The following FGD3 variants were observed in gnomAD, a reference collection of about 807,000 sequenced individuals.
FGD3 encodes the protein FYVE, RhoGEF and PH domain-containing protein 3.
Under a neutral mutation model 71.8 loss-of-function variants are expected in FGD3, and 45 were observed. The ratio of observed to expected loss-of-function variants is 0.63; its 90% CI spans 0.49 to 0.80. The LOEUF (loss-of-function observed/expected upper bound fraction) is 0.80, where lower values mean the gene tolerates loss of function less well. Among genes scored for constraint, FGD3 ranks in the 30% least tolerant of loss-of-function variants. FGD3 has a pLI of 0.00. For synonymous variants in FGD3, 378 were observed against 392.8 expected (o/e 0.96, Z 0.44); for missense variants, 844 against 951.5 (o/e 0.89, Z 1.49).
At chr9:92,955,613 G>A (rs542344193) in intron 1 of FGD3, among the ~76,000 whole-genome samples, 142 of 152,286 alleles carry the variant, frequency 9.3e-4, no homozygotes, top group Non-Finnish European at 1.6e-3. Context: ...ATTTCCCAGT[G>A]GTAACAGCTT....
chr9:92,959,150 G>A (rs895691342), intron 1 of FGD3, among the ~76,000 whole-genome samples: 5 of 151,924 alleles, frequency 3.3e-5, no homozygotes, highest in Admixed American at 1.3e-4. Flanking sequence ...TAGTGGAGAC[G>A]GGGTTTCACC....
chr9:93,012,419 G>C (rs1861449020), intron 8 of FGD3, among the ~76,000 whole-genome samples: 1 of 152,148 alleles, frequency 6.6e-6, no homozygotes, highest in South Asian at 2.1e-4. Context: ...GCCTGCCCCG[G>C]AAAGTGTCAG....
chr9:92,983,201 C>A (rs1477881152), intron 3 of FGD3, among the ~76,000 whole-genome samples: 4 of 152,026 alleles, frequency 2.6e-5, no homozygotes, highest in Non-Finnish European at 5.9e-5. Context: ...AATTTGTTAT[C>A]TCTGTGGCAC....
intron 1 of FGD3, among the ~76,000 whole-genome samples, chr9:92,948,436 C>T (rs567317113): frequency 8.5e-5 from 13 of 152,368 alleles, no homozygotes; most frequent in Admixed American, 2.6e-4. Context: ...GTAGTTCGTG[C>T]CTCTGGTCCT....
At chr9:92,975,780 TGAG>T (rs138561005) in intron 2 of FGD3, among the ~76,000 whole-genome samples, 6 of 151,156 alleles carry the variant, frequency 4.0e-5, no homozygotes, top group Admixed American at 1.3e-4. Flanking sequence ...CAGGCAGTGG[TGAG>T]GAGGAGGAGG....
intron 3 of FGD3, among the ~76,000 whole-genome samples, chr9:92,989,853 A>AT (rs896787227): frequency 6.9e-6 from 1 of 143,940 alleles, no homozygotes; most frequent in East Asian, 2.0e-4. Context: ...TTTCAGCTTA[A>AT]TTTTTTTCTT....
At chr9:92,985,118 G>C (rs1053519383) in intron 3 of FGD3, among the ~76,000 whole-genome samples, 2 of 152,192 alleles carry the variant, frequency 1.3e-5, no homozygotes, top group Non-Finnish European at 2.9e-5. Context: ...TTGGCAGAGA[G>C]GGGAAACCAT....
Position 93,016,641 on chromosome 9 carries a change from A to T in FGD3, c.1275+812A>T, listed in dbSNP as rs1290055592. 1.7e-5 allele frequency among the ~76,000 whole-genome samples: 2 copies of T among 120,876 alleles called. 1 individual carries two copies. Among genetic ancestry groups the T allele is most frequent in the African/African-American group, 6.5e-5 (2 of 30,956 alleles). The allele number at this position is 120,876 out of a possible 152,430, so 79.3% of individuals were successfully genotyped here. On this transcript the variant is annotated intron_variant, in intron 10 of 17. Transcript: ENST00000375482. ...ATGAGCCACCGCACCCAGCCTAGTC[A>T]GTCATTATTTTTAATGGTATTTCTT...
chr9:93,027,884 A>T (rs1862179063), intron 14 of FGD3, among the ~76,000 whole-genome samples: 1 of 151,074 alleles, frequency 6.6e-6, no homozygotes, highest in African/African-American at 2.4e-5. Context: ...CACATCAGCT[A>T]ATTTTTTGGA....
intron 5 of FGD3, 111 bp downstream of exon 5, chr9:93,004,248 G>T (rs1860967076): frequency 5.7e-6 from 8 of 1,413,456 alleles, no homozygotes; most frequent in Non-Finnish European, 6.8e-6. Flanking sequence ...GTGGCTGGGC[G>T]CCTCCCTTCT....
At chr9:92,991,934 T>G (rs1324697672) in intron 3 of FGD3, among the ~76,000 whole-genome samples, 1 of 152,250 alleles carries the variant, frequency 6.6e-6, no homozygotes, top group Non-Finnish European at 1.5e-5. Context: ...GTTTTTGACT[T>G]GAAGTCTTCT....
rs199858851 is a variant in FGD3 at position 93,011,265 on chromosome 9, G to A, written c.1028G>A (p.Arg343Gln). Residue 343 changes from arginine (R) to glutamine (Q), a missense_variant, in exon 8 of 18, where the codon CGG becomes CAG. Arg to Gln is a conservative substitution (Grantham distance 43). Transcript: ENST00000375482. ...TAANHSNAAI[R>Q]KVEKMHKLLE... ...GCCAACCACTCCAATGCTGCCATTC[G>A]GAAAGTGGTGAGTGTGGGGCTCCAG... 1.9e-4 allele frequency: 306 copies of A among 1,614,040 alleles called. 2 individuals are homozygous for A. Among genetic ancestry groups the A allele is most frequent in the Non-Finnish European group, 2.3e-4 (266 of 1,180,016 alleles).
chr9:92,959,609 A>G (rs1291415062), intron 1 of FGD3, among the ~76,000 whole-genome samples: 1 of 148,776 alleles, frequency 6.7e-6, no homozygotes, highest in Non-Finnish European at 1.5e-5. Flanking sequence ...CAGGAGGCTG[A>G]GATGGGAGGA....
At chr9:92,980,857 G>T (rs1160083314) in intron 3 of FGD3, among the ~76,000 whole-genome samples, 1 of 151,462 alleles carries the variant, frequency 6.6e-6, no homozygotes, top group African/African-American at 2.4e-5. Flanking sequence ...TGTAATCCCA[G>T]CTACTCGGGA....
In FGD3 at chr9:93,034,581, G is replaced by C. The variant is rs765011647; in HGVS notation, c.1826G>C (p.Gly609Ala). 1 of 1,613,218 alleles carries C rather than the reference G, an allele frequency of 6.2e-7. No homozygotes were observed. Among genetic ancestry groups the C allele is most frequent in the Non-Finnish European group, 8.5e-7 (1 of 1,179,754 alleles). Residue 609 changes from glycine to alanine, a missense_variant, in exon 17 of 18, where the codon GGC becomes GCC. Gly to Ala is a moderately conservative substitution (Grantham distance 60, BLOSUM62 0). Transcript: ENST00000375482. ...TADPQPSLLC[G>A]PLRLSESGET... ...GACCCCCAGCCCAGCCTGCTCTGCGGCCCCCTGCGGCTGTCAGAGAGCGGT... is the reference window on the plus strand; with the variant it reads ...GACCCCCAGCCCAGCCTGCTCTGCGCCCCCCTGCGGCTGTCAGAGAGCGGT...
Position 93,010,323 on chromosome 9 carries a change from G to C in FGD3, c.915G>C (p.Leu305=). 1 of 1,613,712 alleles carries C rather than the reference G, an allele frequency of 6.2e-7. No individual in the cohort carries two copies. The highest frequency in any genetic ancestry group is 8.5e-7 in the Non-Finnish European group (1 of 1,179,688). The change falls in exon 7 of 18, where the codon CTG becomes CTC. Residue 305 remains leucine (L), a synonymous_variant. Transcript: ENST00000375482. ...EPVQRVPRYE[L]LLKDYLKRLP... ...TGCAGAGGGTCCCCCGGTACGAGCT[G>C]CTGCTCAAGGACTATCTGAAGAGGC...
intron 3 of FGD3, among the ~76,000 whole-genome samples, chr9:92,983,792 T>C (rs1860087241): frequency 6.6e-6 from 1 of 152,250 alleles, no homozygotes; most frequent in African/African-American, 2.4e-5. Context: ...CACAACTTGC[T>C]TTAACCTTTA....
chr9:93,014,919 C>T (rs1861605690), intron 9 of FGD3, among the ~76,000 whole-genome samples: 2 of 152,268 alleles, frequency 1.3e-5, no homozygotes, highest in South Asian at 4.1e-4. Context: ...AGGCGTGAGC[C>T]ACCTCACCTG....
At chr9:93,008,086 T>A (rs1279699801) in intron 6 of FGD3, among the ~76,000 whole-genome samples, 10 of 152,232 alleles carry the variant, frequency 6.6e-5, no homozygotes, top group African/African-American at 2.2e-4. Context: ...TACAGGAAAG[T>A]TGCAAAAATG....
Sources: gnomAD v4.1 joint callset for allele counts (sites outside exome capture counted in the v4.1 genomes callset) on GRCh38, gnomAD v4.1.1 for gene constraint, MANE v1.5 for transcripts, NCBI Gene and HGNC (gene_info 2026-07-23, HGNC 2026-07-21) for gene names.